Variants in FBXO17 observed in about 807,000 individuals in gnomAD.
FBXO17 encodes the protein F-box protein 17.
A neutral mutation model predicts 34.1 loss-of-function variants in FBXO17; 43 were observed. That is an observed-to-expected ratio of 1.26 (90% CI 0.99 to 1.62). The LOEUF (loss-of-function observed/expected upper bound fraction) is 1.62, where lower values mean the gene tolerates loss of function less well. Among genes scored for constraint, FBXO17 ranks in the 40% most tolerant of loss-of-function variants. The pLI is 0.00. For synonymous variants in FBXO17, 169 were observed against 166.0 expected, an observed-to-expected ratio of 1.02 and a Z score of -0.14; for missense variants, 424 against 386.7, an observed-to-expected ratio of 1.10 and a Z score of -0.81.
intron 1 of FBXO17, among the ~76,000 whole-genome samples, chr19:38,962,128 A>T (rs1022942063): frequency 7.8e-6 from 1 of 128,144 alleles, no homozygotes; most frequent in African/African-American, 2.9e-5. Flanking sequence ...AAAAAAAAAA[A>T]GCTCCGGGAA....
intron 1 of FBXO17, among the ~76,000 whole-genome samples, chr19:38,955,486 T>TTC (rs1975154725): frequency 7.3e-6 from 1 of 137,200 alleles, no homozygotes; most frequent in African/African-American, 2.7e-5. Flanking sequence ...CTTTCTTTCT[T>TTC]TTTTTTTTTT....
intron 1 of FBXO17, among the ~76,000 whole-genome samples, chr19:38,958,406 C>CAAAAAAAAAAAA (rs61007658): frequency 2.0e-5 from 2 of 98,724 alleles, no homozygotes; most frequent in African/African-American, 3.6e-5. Context: ...GAAACTGTCT[C>CAAAAAAAAAAAA]AAAAAAAAAA....
chr19:38,944,810 G>A (rs576595478), intron 5 of FBXO17, 159 bp downstream of exon 5: 37 of 1,012,042 alleles, frequency 3.7e-5, no homozygotes, highest in African/African-American at 6.4e-5. Context: ...ATATGTAAGC[G>A]TCTTGACACA....
intron 5 of FBXO17, among the ~76,000 whole-genome samples, chr19:38,943,990 ACT>A (rs1471750459): frequency 6.6e-6 from 1 of 150,716 alleles, no homozygotes; most frequent in Non-Finnish European, 1.5e-5. Flanking sequence ...CCAGGAAAAA[ACT>A]CTGCATCCAT....
chr19:38,969,009 A>C (rs7250688), intron 1 of FBXO17, among the ~76,000 whole-genome samples: 1 of 152,120 alleles, frequency 6.6e-6, no homozygotes, highest in Non-Finnish European at 1.5e-5. Context: ...AAAGTTGTCC[A>C]CTTTAACAGG....
chr19:38,944,938 C>G, intron 5 of FBXO17, 31 bp downstream of exon 5: 1 of 1,612,326 alleles, frequency 6.2e-7, no homozygotes, highest in Non-Finnish European at 8.5e-7. Context: ...TTTAGCGGGT[C>G]GGGGGGAGCT....
rs537373737 is a variant in FBXO17 at position 38,959,678 on chromosome 19, C to A, written c.-17-9342G>T. On this transcript the variant is annotated intron_variant, in intron 1 of 5. Coordinates refer to ENST00000292852, the MANE Select transcript of FBXO17 (RefSeq NM_024907.7). ...GGCTGAGGTGGGAGGATCGCTTGAA[C>A]CCGGGGGTTCGAGACCAGCCTGGGC... is the stretch of plus-strand genomic sequence containing the variant. Among the ~76,000 whole-genome samples the A allele has an allele frequency of 3.3e-5, 5 of 151,952 alleles. No homozygotes were observed. In the East Asian group the frequency reaches 9.8e-4, roughly 30 times the overall value.
In FBXO17 at chr19:38,954,963, C is replaced by G. The variant is rs190017247; in HGVS notation, c.-17-4627G>C. On this transcript the variant is annotated intron_variant, in intron 1 of 5. Transcript: ENST00000292852. ...TTATTATTTTTGAGACGGAGTCTTG[C>G]TCTGTTGCCCAGCCTGGAATGCAGT... Among the ~76,000 whole-genome samples the G allele has an allele frequency of 4.4e-3, 642 of 144,388 alleles. 4 individuals carry two copies. Among genetic ancestry groups the G allele is most frequent in the African/African-American group, 0.015 (592 of 39,100 alleles). The allele number at this position is 144,388 out of a possible 152,430, so 94.7% of individuals were successfully genotyped here. A position where few individuals can be genotyped will look rare whatever the true frequency, so the allele number is the denominator to read the frequency against.
chr19:38,962,521 C>T (rs1975266213), intron 1 of FBXO17, among the ~76,000 whole-genome samples: 1 of 152,132 alleles, frequency 6.6e-6, no homozygotes, highest in Admixed American at 6.6e-5. Flanking sequence ...TCCCCACCAT[C>T]TTACTGAATG....
At chr19:38,943,062 G>A (rs999172991) in intron 5 of FBXO17, among the ~76,000 whole-genome samples, 5 of 152,160 alleles carry the variant, frequency 3.3e-5, no homozygotes, top group Non-Finnish European at 7.4e-5. Context: ...GGAGCCGGGA[G>A]GGGCTCTGGA....
chr19:38,948,552 A>G lies in FBXO17; in HGVS notation c.461+15T>C. ...TTTGCCCCAGGGATCGGGGCCTCTC[A>G]CTTGGGCCACTCACTCGAAAGAGGT... is the stretch of plus-strand genomic sequence containing the variant. On this transcript the variant is annotated intron_variant, in intron 3 of 5. Transcript: ENST00000292852. The G allele has an allele frequency of 6.2e-7, 1 of 1,608,548 alleles. No individual in the cohort carries two copies. Among genetic ancestry groups the G allele is most frequent in the Non-Finnish European group, 8.5e-7 (1 of 1,175,748 alleles).
intron 1 of FBXO17, among the ~76,000 whole-genome samples, chr19:38,973,328 T>C (rs1975414636): frequency 6.6e-6 from 1 of 152,164 alleles, no homozygotes; most frequent in Non-Finnish European, 1.5e-5. Context: ...TGAGCCGAGA[T>C]TGTGCCACTG....
chr19:38,949,976 C>T lies in FBXO17; in HGVS notation c.344G>A (p.Gly115Glu). The change falls in exon 2 of 6, where the codon GGA (glycine) becomes GAA (glutamate). Residue 115 changes from glycine (G) to glutamate (E), a missense_variant. Coordinates refer to ENST00000292852, the MANE Select transcript of FBXO17 (RefSeq NM_024907.7). ...FGRNLIFNSCGEQGFRGWEVE... is the reference protein window; with the variant it reads ...FGRNLIFNSCEEQGFRGWEVE... Reference sequence around the variant, plus strand: ...GCCCCGCCCCCGTCACCCACGCTCTCCGCAGGAGTTGAAGATGAGATTGCG... The same window carrying T: ...GCCCCGCCCCCGTCACCCACGCTCTTCGCAGGAGTTGAAGATGAGATTGCG... The T allele has an allele frequency of 1.3e-6, 2 of 1,542,200 alleles. No homozygotes were observed. Among genetic ancestry groups the T allele is most frequent in the South Asian group, 1.2e-5 (1 of 82,996 alleles).
Position 38,950,308 on chromosome 19 carries a change from C to G in FBXO17, c.12G>C (p.Arg4=), listed in dbSNP as rs776803193. The G allele has an allele frequency of 1.4e-6, 2 of 1,431,468 alleles. No homozygotes were observed. The highest frequency in any genetic ancestry group is 2.2e-4 in the Middle Eastern group (1 of 4,634). 88.7% of individuals were successfully genotyped at this position (1,431,468 alleles called of 1,614,324 possible). The change falls in exon 2 of 6, where the codon CGG becomes CGC. Residue 4 remains arginine (R), a synonymous_variant. Coordinates refer to ENST00000292852, the MANE Select transcript of FBXO17 (RefSeq NM_024907.7). The stretch of plus-strand genomic sequence containing the variant: ...CCGCCGGCAGCCGTCGCCGCGATAG[C>G]CGGGCGCCCATCTCCAGTAGCCAGA... MGA[R]LSRRRLPADP... is the part of the protein sequence containing the mutation.
At chr19:38,945,205 G>A in intron 4 of FBXO17, 101 bp from the exon 5 acceptor site, 1 of 1,484,230 alleles carries the variant, frequency 6.7e-7, no homozygotes, top group Non-Finnish European at 9.2e-7. Context: ...TGAAGGTCCT[G>A]CACATCTGGA....
Position 38,966,293 on chromosome 19 carries a change from TTGTG to T in FBXO17, c.-18+9289_-18+9292del, listed in dbSNP as rs10569438. 1.0e-4 allele frequency among the ~76,000 whole-genome samples: 15 copies of T among 143,036 alleles called. No individual in the cohort carries two copies. In the East Asian group the frequency reaches 1.2e-3, roughly 12 times the overall value. 93.8% of individuals were successfully genotyped at this position (143,036 alleles called of 152,430 possible). On this transcript the variant is annotated intron_variant, in intron 1 of 5. Transcript: ENST00000292852. ...CCAACATTCTCTTAAATTAAAAATT[TTGTG>T]TGTGTGTGTGTGTGTGTGTGTGTGG...
chr19:38,973,134 G>A (rs1481804274), intron 1 of FBXO17, among the ~76,000 whole-genome samples: 1 of 152,138 alleles, frequency 6.6e-6, no homozygotes, highest in Non-Finnish European at 1.5e-5. Flanking sequence ...CAGCACTTTG[G>A]GAGGCCAACG....
intron 1 of FBXO17, among the ~76,000 whole-genome samples, chr19:38,966,260 A>T (rs1364197472): frequency 1.3e-5 from 2 of 149,748 alleles, no homozygotes; most frequent in Non-Finnish European, 3.0e-5. Flanking sequence ...ATGAGCCACC[A>T]TGCCCGGCCA....
intron 5 of FBXO17, among the ~76,000 whole-genome samples, chr19:38,943,873 A>C (rs1035454882): frequency 6.6e-6 from 1 of 152,206 alleles, no homozygotes; most frequent in Non-Finnish European, 1.5e-5. Flanking sequence ...TACAGGCATG[A>C]GCCACCACAC....
Sources: gnomAD v4.1 joint callset for allele counts (sites outside exome capture counted in the v4.1 genomes callset) on GRCh38, gnomAD v4.1.1 for gene constraint, MANE v1.5 for transcripts, NCBI Gene and HGNC (gene_info 2026-07-23, HGNC 2026-07-21) for gene names.